PROM2: variants seen among roughly 807,000 people sequenced by gnomAD.
PROM2 encodes prominin 2.
A neutral mutation model predicts 110.2 loss-of-function variants in PROM2; 90 were observed. That is an observed-to-expected ratio of 0.82 (90% CI 0.69 to 0.97). PROM2 has a LOEUF of 0.97. PROM2 is among the 50% of genes least tolerant of loss of function. The pLI is 0.00. For missense variants in PROM2, 1,009 were observed against 1,074.8 expected (o/e 0.94, Z 0.86); for synonymous variants, 470 against 467.8 (o/e 1.00, Z -0.06).
intron 9 of PROM2, 71 bp from the exon 10 acceptor site, chr2:95,278,914 C>T (rs1676842362): frequency 1.9e-6 from 3 of 1,601,428 alleles, no homozygotes; most frequent in Non-Finnish European, 2.6e-6. Context: ...GATGTTCTTC[C>T]TGCCCGCTTG....
rs1469687418 is a variant in PROM2, at chr2:95,277,956, C to G, written c.1002C>G (p.His334Gln). 2.5e-6 allele frequency: 4 copies of G among 1,612,578 alleles called. No homozygotes were observed. Among genetic ancestry groups the G allele is most frequent in the Non-Finnish European group, 3.4e-6 (4 of 1,179,578 alleles). ...TGCCCTCTGTGGACCATGTCCTGCACCAGCTAAAAGGTGTCCCCGAGGCCA... is the reference window on the plus strand; with the variant it reads ...TGCCCTCTGTGGACCATGTCCTGCAGCAGCTAAAAGGTGTCCCCGAGGCCA... ...SQVPSVDHVL[H>Q]QLKGVPEANF... The change falls in exon 8 of 24, where the codon CAC becomes CAG. Residue 334 changes from histidine to glutamine, a missense_variant. Transcript: ENST00000317620.
intron 12 of PROM2, 102 bp downstream of exon 12, chr2:95,281,467 G>A: frequency 7.5e-7 from 1 of 1,326,176 alleles, no homozygotes; most frequent in Non-Finnish European, 1.0e-6. Flanking sequence ...GGGGTAAAAG[G>A]GAGAGAGGGA....
At chr2:95,287,546 C>T in intron 20 of PROM2, 82 bp downstream of exon 20, 1 of 1,465,208 alleles carries the variant, frequency 6.8e-7, no homozygotes, top group Non-Finnish European at 9.4e-7. Context: ...GCCCCCGCCC[C>T]CGGAGCCCCT....
Position 95,291,243 on chromosome 2 carries a change from A to C in PROM2, c.*2030A>C, listed in dbSNP as rs1317605018. Reference sequence around the variant, plus strand: ...TTGCTTGTTACTCATCTGTTGACCTACCTGGGGGAAGTAGCACCCTTGCAT... The same window carrying C: ...TTGCTTGTTACTCATCTGTTGACCTCCCTGGGGGAAGTAGCACCCTTGCAT... On this transcript the variant is annotated 3_prime_UTR_variant, in exon 24 of 24. Transcript: ENST00000317620. 6.6e-6 allele frequency: 1 copy of C among 151,806 alleles called. No homozygotes were observed. The highest frequency in any genetic ancestry group is 1.5e-5 in the Non-Finnish European group (1 of 67,978). The allele number at this position is 151,806 out of a possible 1,614,324, so 9.4% of individuals were successfully genotyped here.
At position 95,276,455 on chromosome 2, in the gene PROM2, G is replaced by C. The variant is rs114081176; in HGVS notation, c.618+108G>C. ...CCCATAACCAGCGCATCTGAAAGCC[G>C]CCTCCTCTCCCGCCCTTGCCTGAGA... On this transcript the variant is annotated intron_variant, in intron 4 of 23. Coordinates refer to ENST00000317620, the MANE Select transcript of PROM2 (RefSeq NM_001165978.3). The surrounding 1 kb of genome is among the most constrained non-coding windows in gnomAD (Gnocchi z 4.6). 6.3e-7 allele frequency: 1 copy of C among 1,591,446 alleles called. No individual in the cohort carries two copies. The highest frequency in any genetic ancestry group is 1.3e-5 in the African/African-American group (1 of 74,546).
rs1676570273 is a variant in PROM2, at chr2:95,275,095, T to C, written c.244+266T>C. On this transcript the variant is annotated intron_variant, in intron 1 of 23. Transcript: ENST00000317620. This position sits in a 1 kb window ranked among gnomAD's most constrained non-coding sequence, Gnocchi z 4.4. ...ATTAGACCTGACTCAGACATCCTCT[T>C]AGTCTATCGGTGCTTGGGTTGGGTG... 3 of 482,462 alleles carry C rather than the reference T, an allele frequency of 6.2e-6. No homozygotes were observed. The highest frequency in any genetic ancestry group is 1.0e-3 in the Middle Eastern group (2 of 1,926). 29.9% of individuals were successfully genotyped at this position (482,462 alleles called of 1,614,324 possible).
intron 18 of PROM2, 71 bp downstream of exon 18, chr2:95,286,928 T>C: frequency 6.5e-7 from 1 of 1,527,618 alleles, no homozygotes. Context: ...TAGGAGCCCA[T>C]CTCACTCTGC....
chr2:95,286,991 G>A (rs1262651646), intron 18 of PROM2, 134 bp downstream of exon 18: 1 of 1,267,152 alleles, frequency 7.9e-7, no homozygotes. Flanking sequence ...GATGGGGGTG[G>A]CAGCAGAGCC....
rs773953033 is a variant in PROM2, at chr2:95,279,013, G to A, written c.1143G>A (p.Pro381=). 2.5e-5 allele frequency: 40 copies of A among 1,609,796 alleles called. No homozygotes were observed. Among genetic ancestry groups the A allele is most frequent in the Middle Eastern group, 1.7e-4 (1 of 6,056 alleles). ...TGAAGAAGGCAGTGGCCCAGCAGCCGGAAGGGGTGAGGACACTGGCTGAAG... is the reference window on the plus strand; with the variant it reads ...TGAAGAAGGCAGTGGCCCAGCAGCCAGAAGGGGTGAGGACACTGGCTGAAG... ...QELKKAVAQQ[P]EGVRTLAEGF... is the part of the protein sequence containing the mutation. Residue 381 remains proline (P), a synonymous_variant, in exon 10 of 24, where the codon CCG becomes CCA. Coordinates refer to ENST00000317620, the MANE Select transcript of PROM2 (RefSeq NM_001165978.3).
chr2:95,283,771 T>TTTCATTCATTCATTCATTCATTCA (rs3076102), intron 14 of PROM2, among the ~76,000 whole-genome samples: 1 of 149,674 alleles, frequency 6.7e-6, no homozygotes, highest in Non-Finnish European at 1.5e-5. Context: ...GAAAATACAG[T>TTTCATTCATTCATTCATTCATTCA]TTCATTCATT....
At chr2:95,277,721 G>A in intron 7 of PROM2, 155 bp downstream of exon 7, 2 of 819,964 alleles carry the variant, frequency 2.4e-6, no homozygotes, top group Non-Finnish European at 3.7e-6. Context: ...TGGGTGGAGT[G>A]CTCCCCAGGC....
Position 95,285,642 on chromosome 2 carries a change from C to A in PROM2, c.1879C>A (p.Gln627Lys). 1 of 1,597,392 alleles carries A rather than the reference C, an allele frequency of 6.3e-7. No individual in the cohort carries two copies. The highest frequency in any genetic ancestry group is 2.3e-5 in the East Asian group (1 of 44,092). The change falls in exon 16 of 24, where the codon CAG (glutamine) becomes AAG (lysine). Residue 627 changes from glutamine (Q) to lysine (K), a missense_variant. Physicochemically the swap from Gln to Lys is moderately conservative, Grantham distance 53. Coordinates refer to ENST00000317620, the MANE Select transcript of PROM2 (RefSeq NM_001165978.3). ...IHYPDFLVQIQRPVVKTSMEQ... is the reference protein window; with the variant it reads ...IHYPDFLVQIKRPVVKTSMEQ... ...GGCCTCTTCTGTCCACCTGCAGATC[C>A]AGAGGCCCGTGGTGAAGACCAGCAT...
chr2:95,285,208 C>G, intron 15 of PROM2, 93 bp downstream of exon 15: 1 of 1,345,380 alleles, frequency 7.4e-7, no homozygotes, highest in Admixed American at 2.8e-5. Context: ...TTGCCTTGTC[C>G]CAGCTCTGGC....
chr2:95,286,276 A>G (rs1173899804), intron 16 of PROM2, among the ~76,000 whole-genome samples: 1 of 152,196 alleles, frequency 6.6e-6, no homozygotes, highest in African/African-American at 2.4e-5. Flanking sequence ...TGACTGACTT[A>G]GGGGCACCCA....
At position 95,282,421 on chromosome 2, in the gene PROM2, C is replaced by T. The variant is rs527731896; in HGVS notation, c.1728+195C>T. ...CCGGGTGTGTAGGTGGGTCCGTGTG[C>T]ACCTGAAGGCTATGTCCAGCCCCAA... On this transcript the variant is annotated intron_variant, in intron 14 of 23. Transcript: ENST00000317620. Among the ~76,000 whole-genome samples, 88 of 152,292 alleles carry T rather than the reference C, an allele frequency of 5.8e-4. No individual in the cohort carries two copies. In the Middle Eastern group the frequency reaches 0.017, roughly 29 times the overall value.
Position 95,274,515 on chromosome 2 carries a change from A to T in PROM2, c.-71A>T. 3 of 1,483,456 alleles carry T rather than the reference A, an allele frequency of 2.0e-6. No homozygotes were observed. Among genetic ancestry groups the T allele is most frequent in the Non-Finnish European group, 2.7e-6 (3 of 1,114,512 alleles). The allele number at this position is 1,483,456 out of a possible 1,614,324, so 91.9% of individuals were successfully genotyped here. On this transcript the variant is annotated 5_prime_UTR_variant, in exon 1 of 24. Coordinates refer to ENST00000317620, the MANE Select transcript of PROM2 (RefSeq NM_001165978.3). ...CTGTGGAGAGAGGGACAGAGGCTGG[A>T]GAAGGATGTATGGCCTGCCCTGGGC...
chr2:95,275,898 G>A lies in PROM2; in HGVS notation c.295-32G>A, dbSNP rs1344636637. On this transcript the variant is annotated intron_variant, in intron 2 of 23. Transcript: ENST00000317620. This position sits in a 1 kb window ranked among gnomAD's most constrained non-coding sequence, Gnocchi z 4.4. ...AAGCCAGGGCTGGGCAGTGGGGGTC[G>A]GGTCACCCCTCATGCCCTGCTGCCT... The A allele has an allele frequency of 2.5e-6, 4 of 1,588,300 alleles. No homozygotes were observed. The highest frequency in any genetic ancestry group is 1.8e-5 in the Admixed American group (1 of 55,458).
intron 14 of PROM2, among the ~76,000 whole-genome samples, chr2:95,283,031 G>A (rs1456554485): frequency 3.3e-5 from 5 of 152,180 alleles, no homozygotes; most frequent in Non-Finnish European, 5.9e-5. Context: ...CAGCACAGCC[G>A]GATGGCCCAG....
At position 95,277,028 on chromosome 2, in the gene PROM2, C is replaced by A; in HGVS notation, c.739C>A (p.Pro247Thr). 1 of 1,552,784 alleles carries A rather than the reference C, an allele frequency of 6.4e-7. No homozygotes were observed. The highest frequency in any genetic ancestry group is 1.4e-5 in the African/African-American group (1 of 73,324). ...IHTQLRSSVY[P>T]LLAAVGSLGQ... is the part of the protein sequence containing the mutation. ...CACTCAGCTCAGGAGCTCCGTGTACCCCTTGCTGGCGGCCGTGGGCAGTTT... is the reference window on the plus strand; with the variant it reads ...CACTCAGCTCAGGAGCTCCGTGTACACCTTGCTGGCGGCCGTGGGCAGTTT... The change falls in exon 6 of 24, where the codon CCC becomes ACC. Residue 247 changes from proline to threonine, a missense_variant. Pro to Thr is a conservative substitution (Grantham distance 38). Coordinates refer to ENST00000317620, the MANE Select transcript of PROM2 (RefSeq NM_001165978.3).
Sources: gnomAD v4.1 joint callset for allele counts (sites outside exome capture counted in the v4.1 genomes callset) on GRCh38, gnomAD v4.1.1 for gene constraint, Gnocchi (gnomAD v3.1) non-coding constraint, MANE v1.5 for transcripts, NCBI Gene and HGNC (gene_info 2026-07-23, HGNC 2026-07-21) for gene names.